Variants in KIF26B observed in about 807,000 individuals in gnomAD.
KIF26B encodes the protein kinesin family member 26B, also known as kinesin-like protein KIF26B.
In KIF26B, 63 loss-of-function variants were observed where a neutral mutation model predicts 151.2. That is an observed-to-expected ratio of 0.42 (90% CI 0.34 to 0.51). The LOEUF (loss-of-function observed/expected upper bound fraction) is 0.51, where lower values mean the gene tolerates loss of function less well. KIF26B is among the 20% of genes least tolerant of loss of function. The probability of loss-of-function intolerance (pLI) is 0.07; values close to 1 mark genes in which losing one functional copy is unlikely to be tolerated. For missense variants in KIF26B, 2,813 were observed against 2,913.6 expected (o/e 0.97, Z 0.79); for synonymous variants, 1,357 against 1,262.1 (o/e 1.08, Z -1.59).
chr1:245,269,844 C>T (rs1280470928), intron 2 of KIF26B, among the ~76,000 whole-genome samples: 1 of 152,132 alleles, frequency 6.6e-6, no homozygotes, highest in Non-Finnish European at 1.5e-5. Flanking sequence ...TCCACTCATC[C>T]ATCAGTGGAT....
intron 2 of KIF26B, among the ~76,000 whole-genome samples, chr1:245,164,900 C>T (rs1019065860): frequency 6.6e-6 from 1 of 152,064 alleles, no homozygotes; most frequent in Non-Finnish European, 1.5e-5. Context: ...TGGTGAAACC[C>T]CGTCTCTACT....
At chr1:245,392,207 A>G (rs949499699) in intron 3 of KIF26B, among the ~76,000 whole-genome samples, 13 of 152,232 alleles carry the variant, frequency 8.5e-5, no homozygotes, top group Admixed American at 8.5e-4. Flanking sequence ...ATGAAGGGGT[A>G]GTTCTCTTTC....
intron 3 of KIF26B, among the ~76,000 whole-genome samples, chr1:245,405,710 A>T (rs1674119805): frequency 6.6e-6 from 1 of 151,558 alleles, no homozygotes. Context: ...CACTCATCCC[A>T]CCAAGTTGGG....
chr1:245,416,720 C>T (rs472940), intron 3 of KIF26B, among the ~76,000 whole-genome samples: 84,364 of 151,958 alleles, frequency 0.56, 23,962 homozygotes, highest in Middle Eastern at 0.62. Flanking sequence ...AAAGGCCCCA[C>T]GGCAGAAGGA....
At chr1:245,471,728 G>T (rs556245754) in intron 4 of KIF26B, among the ~76,000 whole-genome samples, 2 of 151,566 alleles carry the variant, frequency 1.3e-5, no homozygotes, top group Non-Finnish European at 2.9e-5. Context: ...CCTGTGCTTG[G>T]CATGATTCCA....
chr1:245,545,781 A>C (rs192394687), intron 5 of KIF26B, among the ~76,000 whole-genome samples: 1 of 129,402 alleles, frequency 7.7e-6, no homozygotes, highest in East Asian at 2.4e-4. Flanking sequence ...TCTGTTTGAA[A>C]ACGGTTGCTT....
chr1:245,369,465 T>C (rs1269726392), intron 3 of KIF26B, among the ~76,000 whole-genome samples: 1 of 152,278 alleles, frequency 6.6e-6, no homozygotes, highest in Non-Finnish European at 1.5e-5. Flanking sequence ...ATCATTATCC[T>C]AAGATATTAG....
At position 245,375,228 on chromosome 1, in the gene KIF26B, C is replaced by A. The variant is rs562144483; in HGVS notation, c.999+7861C>A. Among the ~76,000 whole-genome samples, 25 of 152,268 alleles carry A rather than the reference C, an allele frequency of 1.6e-4. No individual in the cohort carries two copies. Among genetic ancestry groups the A allele is most frequent in the African/African-American group, 5.8e-4 (24 of 41,550 alleles). On this transcript the variant is annotated intron_variant, in intron 3 of 14. Coordinates refer to ENST00000407071, the MANE Select transcript of KIF26B (RefSeq NM_018012.4). This position sits in a 1 kb window ranked among gnomAD's most constrained non-coding sequence, Gnocchi z 4.2. ...CAACCTCGGGATTACAGGCATGGACCACCATGTCCGGCTAATTTTTGTATT... is the reference window on the plus strand; with the variant it reads ...CAACCTCGGGATTACAGGCATGGACAACCATGTCCGGCTAATTTTTGTATT...
intron 10 of KIF26B, among the ~76,000 whole-genome samples, chr1:245,661,237 C>G (rs1359879259): frequency 6.6e-6 from 1 of 152,068 alleles, no homozygotes; most frequent in African/African-American, 2.4e-5. Flanking sequence ...CACTCCCTGC[C>G]TCAGCCTCCC....
intron 2 of KIF26B, among the ~76,000 whole-genome samples, chr1:245,360,466 C>G (rs554939024): frequency 6.6e-6 from 1 of 152,252 alleles, no homozygotes; most frequent in East Asian, 1.9e-4. Context: ...TTACCAAGGG[C>G]CAGGTCTGTG....
chr1:245,205,883 G>C (rs554209755), intron 2 of KIF26B, among the ~76,000 whole-genome samples: 1 of 135,836 alleles, frequency 7.4e-6, no homozygotes, highest in South Asian at 2.6e-4. Flanking sequence ...GGGACTACAG[G>C]TGCCCACATC....
chr1:245,502,529 C>CAAAAA (rs10596275), intron 4 of KIF26B, among the ~76,000 whole-genome samples: 1 of 96,708 alleles, frequency 1.0e-5, no homozygotes. Context: ...GATTCTGTCT[C>CAAAAA]AAAAAAAAAA....
At chr1:245,523,442 T>C (rs1027385203) in intron 4 of KIF26B, among the ~76,000 whole-genome samples, 4 of 152,204 alleles carry the variant, frequency 2.6e-5, no homozygotes. Flanking sequence ...AGACAATACC[T>C]GTCTTAGTTC....
chr1:245,369,195 G>GAGACAGAC (rs1553268129), intron 3 of KIF26B, among the ~76,000 whole-genome samples: 111 of 129,604 alleles, frequency 8.6e-4, no homozygotes, highest in African/African-American at 3.3e-3. Context: ...GAGAGAGAGA[G>GAGACAGAC]AGACAGACAG....
intron 2 of KIF26B, chr1:245,216,171 G>GA (rs1669639970): frequency 6.6e-6 from 1 of 150,398 alleles, no homozygotes; most frequent in South Asian, 2.1e-4. Context: ...CCTTCTCCTT[G>GA]AGTTCCATTT....
At chr1:245,398,120 G>A (rs1172235464) in intron 3 of KIF26B, among the ~76,000 whole-genome samples, 2 of 152,192 alleles carry the variant, frequency 1.3e-5, no homozygotes, top group African/African-American at 4.8e-5. Context: ...AGGTGGATTT[G>A]TTGACCTCTA....
chr1:245,626,325 G>T lies in KIF26B; in HGVS notation c.2098+14349G>T, dbSNP rs185781474. Reference sequence around the variant, plus strand: ...AGCATCTATACTGTTTTCTATACTGGCTGTACTAATTTACATTCCCACCAA... The same window carrying T: ...AGCATCTATACTGTTTTCTATACTGTCTGTACTAATTTACATTCCCACCAA... On this transcript the variant is annotated intron_variant, in intron 9 of 14. Coordinates refer to ENST00000407071, the MANE Select transcript of KIF26B (RefSeq NM_018012.4). Among the ~76,000 whole-genome samples, 9 of 151,510 alleles carry T rather than the reference G, an allele frequency of 5.9e-5. No homozygotes were observed. In the East Asian group the frequency reaches 1.7e-3, roughly 29 times the overall value.
intron 4 of KIF26B, among the ~76,000 whole-genome samples, chr1:245,459,979 G>A (rs1659613779): frequency 6.6e-6 from 1 of 151,420 alleles, no homozygotes; most frequent in South Asian, 2.1e-4. Flanking sequence ...AGTGTTTTTT[G>A]TTTGTTTGTT....
At chr1:245,479,373 G>A (rs1388483878) in intron 4 of KIF26B, among the ~76,000 whole-genome samples, 2 of 151,886 alleles carry the variant, frequency 1.3e-5, no homozygotes, top group Non-Finnish European at 2.9e-5. Flanking sequence ...TAGGCACCCA[G>A]GGTATATCTA....
Sources: allele counts gnomAD v4.1 joint callset (sites outside exome capture counted in the v4.1 genomes callset), GRCh38; gene constraint gnomAD v4.1.1; non-coding constraint Gnocchi (gnomAD v3.1); transcripts MANE v1.5; gene names NCBI Gene and HGNC (gene_info 2026-07-23, HGNC 2026-07-21).